NFATC2: variants seen among roughly 807,000 people sequenced by gnomAD.
NFATC2 encodes the protein nuclear factor of activated T-cells, cytoplasmic 2.
Under a neutral mutation model 87.3 loss-of-function variants are expected in NFATC2, and 22 were observed. The observed-to-expected ratio is 0.25, with a 90% CI of 0.18 to 0.36. The LOEUF (loss-of-function observed/expected upper bound fraction) is 0.36. Among genes scored for constraint, NFATC2 ranks in the 10% least tolerant of loss-of-function variants. The pLI is 1.00. For synonymous variants in NFATC2, 565 were observed against 542.2 expected, an observed-to-expected ratio of 1.04 and a Z score of -0.58; for missense variants, 1,149 against 1,259.1, an observed-to-expected ratio of 0.91 and a Z score of 1.32.
intron 10 of NFATC2, among the ~76,000 whole-genome samples, chr20:51,396,991 C>T (rs1460194622): frequency 6.7e-6 from 1 of 149,168 alleles, no homozygotes; most frequent in East Asian, 1.9e-4. Context: ...CGGCTCATCT[C>T]CGCCTCCAGG....
chr20:51,520,031 G>C (rs767754630), intron 2 of NFATC2, among the ~76,000 whole-genome samples: 3 of 152,002 alleles, frequency 2.0e-5, no homozygotes, highest in Non-Finnish European at 2.9e-5. Flanking sequence ...ATGTTATCAA[G>C]AGACTTCCCT....
intron 3 of NFATC2, among the ~76,000 whole-genome samples, chr20:51,494,426 G>A (rs201541401): frequency 2.0e-5 from 3 of 152,048 alleles, no homozygotes; most frequent in African/African-American, 2.4e-5. Flanking sequence ...TGCGGCACAC[G>A]TCAGTAATTC....
intron 9 of NFATC2, chr20:51,399,179 T>C (rs1279971836): frequency 6.4e-6 from 1 of 155,564 alleles, no homozygotes; most frequent in Non-Finnish European, 1.4e-5. Flanking sequence ...TTCTTACTAG[T>C]GATATCACCT....
chr20:51,561,481 AAGAAAGCAAGC>A (rs1470786393), intron 1 of NFATC2, among the ~76,000 whole-genome samples: 2 of 107,390 alleles, frequency 1.9e-5, no homozygotes, highest in East Asian at 5.6e-4. Context: ...GAAAGAAAGA[AAGAAAGCAAGC>A]AAGCAAGCAA....
Position 51,524,135 on chromosome 20 carries a change from T to C in NFATC2, c.131-25A>G, listed in dbSNP as rs761462314. 7.0e-7 allele frequency: 1 copy of C among 1,436,356 alleles called. No homozygotes were observed. The highest frequency in any genetic ancestry group is 9.1e-7 in the Non-Finnish European group (1 of 1,096,432). 89.0% of individuals were successfully genotyped at this position (1,436,356 alleles called of 1,614,324 possible). A position where few individuals can be genotyped will look rare whatever the true frequency, so the allele number is the denominator to read the frequency against. On this transcript the variant is annotated intron_variant, in intron 1 of 10. Transcript: ENST00000371564. The surrounding 1 kb of genome is among the most constrained non-coding windows in gnomAD (Gnocchi z 4.0). ...TCTGGAAAGAGAAGGGGGAAGGGGG[T>C]TCTTTTTAAGCCTCAAAAACAGAAC... is the stretch of plus-strand genomic sequence containing the variant.
chr20:51,482,052 A>T (rs141145062), intron 3 of NFATC2, among the ~76,000 whole-genome samples: 1 of 152,166 alleles, frequency 6.6e-6, no homozygotes, highest in Non-Finnish European at 1.5e-5. Flanking sequence ...AACAGCCTCC[A>T]CTGGCCCTGT....
At chr20:51,562,818 C>T (rs2077044535), upstream of NFATC2, 1 of 551,054 alleles carries the variant, frequency 1.8e-6, no homozygotes. The surrounding 1 kb of genome is among the most constrained non-coding windows in gnomAD (Gnocchi z 5.8). Context: ...CTCCGCGATC[C>T]GGCTTACTCC....
chr20:51,435,897 G>T, intron 6 of NFATC2, 136 bp from the exon 7 acceptor site: 1 of 699,414 alleles, frequency 1.4e-6, no homozygotes. Context: ...ATATGTGCAC[G>T]TGTGTGTACA....
chr20:51,448,468 C>T (rs1985357241), intron 6 of NFATC2, among the ~76,000 whole-genome samples: 1 of 152,148 alleles, frequency 6.6e-6, no homozygotes, highest in Non-Finnish European at 1.5e-5. Context: ...GGTGAAACCC[C>T]GTCTCTACTA....
At chr20:51,532,072 G>A (rs1208856783) in intron 1 of NFATC2, among the ~76,000 whole-genome samples, 1 of 152,172 alleles carries the variant, frequency 6.6e-6, no homozygotes, top group Non-Finnish European at 1.5e-5. Context: ...TAAAGTGTTA[G>A]TGGGTCAGTG....
intron 3 of NFATC2, among the ~76,000 whole-genome samples, chr20:51,504,380 C>T (rs1040167377): frequency 6.6e-6 from 1 of 152,174 alleles, no homozygotes; most frequent in African/African-American, 2.4e-5. Context: ...AAGTGATCCA[C>T]CAGCCTCGGC....
intron 3 of NFATC2, among the ~76,000 whole-genome samples, chr20:51,502,814 TTACA>T (rs2076112281): frequency 1.3e-5 from 2 of 152,200 alleles, no homozygotes; most frequent in African/African-American, 4.8e-5. Context: ...ATTTACAGTT[TTACA>T]ATAAATGTCA....
At chr20:51,540,025 G>GT (rs530191605) in intron 1 of NFATC2, among the ~76,000 whole-genome samples, 3 of 152,112 alleles carry the variant, frequency 2.0e-5, no homozygotes, top group African/African-American at 4.8e-5. Flanking sequence ...TTTTGTTGTT[G>GT]TTTTTTGAGA....
At chr20:51,465,231 T>TA (rs1281074523) in intron 5 of NFATC2, among the ~76,000 whole-genome samples, 1 of 151,900 alleles carries the variant, frequency 6.6e-6, no homozygotes, top group Admixed American at 6.6e-5. Context: ...CTACTAAAAA[T>TA]AAAAAAATTA....
At chr20:51,430,943 T>C (rs933878938) in intron 9 of NFATC2, among the ~76,000 whole-genome samples, 5 of 152,196 alleles carry the variant, frequency 3.3e-5, no homozygotes, top group African/African-American at 1.2e-4. Context: ...GAACTGGGAA[T>C]GACAGCCAGC....
intron 9 of NFATC2, among the ~76,000 whole-genome samples, chr20:51,414,493 A>G (rs2146282252): frequency 6.6e-6 from 1 of 152,068 alleles, no homozygotes; most frequent in East Asian, 1.9e-4. Context: ...GTTCGAGACC[A>G]GCCTGGCCAA....
At chr20:51,395,970 C>T (rs1298100606) in intron 10 of NFATC2, among the ~76,000 whole-genome samples, 1 of 147,644 alleles carries the variant, frequency 6.8e-6, no homozygotes, top group Non-Finnish European at 1.5e-5. Context: ...TCCAATAAAA[C>T]TTCATTTGCC....
chr20:51,516,879 C>T lies in NFATC2; in HGVS notation c.1237G>A (p.Glu413Lys), dbSNP rs371590547. The T allele has an allele frequency of 4.7e-5, 76 of 1,614,148 alleles. No homozygotes were observed. In the South Asian group the frequency reaches 5.6e-4, roughly 12 times the overall value. Reference protein sequence around the residue: ...SQSGSYELRIEVQPKPHHRAH... With the variant: ...SQSGSYELRIKVQPKPHHRAH... The stretch of plus-strand genomic sequence containing the variant: ...CGGTGATGTGGCTTGGGCTGCACCT[C>T]GATCCGCAGCTCGTAAGAGCCTGAC... The change falls in exon 3 of 11, where the codon GAG (glutamate) becomes AAG (lysine). Residue 413 changes from glutamate to lysine, a missense_variant. Coordinates refer to ENST00000371564, the MANE Select transcript of NFATC2 (RefSeq NM_012340.5).
chr20:51,428,187 A>T (rs1300293515), intron 9 of NFATC2, among the ~76,000 whole-genome samples: 3 of 152,138 alleles, frequency 2.0e-5, no homozygotes, highest in Non-Finnish European at 4.4e-5. Flanking sequence ...GAGGTCCCAG[A>T]AGCAGCTACT....
Sources: allele counts gnomAD v4.1 joint callset (sites outside exome capture counted in the v4.1 genomes callset), GRCh38; gene constraint gnomAD v4.1.1; non-coding constraint Gnocchi (gnomAD v3.1); transcripts MANE v1.5; gene names NCBI Gene and HGNC (gene_info 2026-07-23, HGNC 2026-07-21).